BBOF1: variants seen among roughly 807,000 people sequenced by gnomAD.
BBOF1 encodes the protein basal body orientation factor 1.
BBOF1 carries 62 observed loss-of-function variants against 68.0 expected under a neutral mutation model. That is an observed-to-expected ratio of 0.91 (90% CI 0.74 to 1.13). The LOEUF is 1.13. Ranked by LOEUF, BBOF1 falls within the 50% of genes most tolerant of loss-of-function variation. The pLI, the probability that BBOF1 is intolerant of heterozygous loss-of-function variation, is 0.00. For synonymous variants in BBOF1, 208 were observed against 198.8 expected, an observed-to-expected ratio of 1.05 and a Z score of -0.39; for missense variants, 534 against 600.1, an observed-to-expected ratio of 0.89 and a Z score of 1.15.
intron 8 of BBOF1, 55 bp from the exon 9 acceptor site, chr14:74,055,529 A>T (rs2060175842): frequency 9.2e-7 from 1 of 1,086,696 alleles, no homozygotes; most frequent in South Asian, 1.3e-5. Context: ...AAAGAAGAGA[A>T]GCCTATTTGA....
downstream of BBOF1, among the ~76,000 whole-genome samples, chr14:74,069,553 CCT>C: frequency 6.6e-6 from 1 of 151,750 alleles, no homozygotes; most frequent in East Asian, 2.0e-4. Flanking sequence ...GAGTTCGAGA[CCT>C]TCCTAGCCAA....
intron 5 of BBOF1, among the ~76,000 whole-genome samples, chr14:74,045,256 G>A (rs1397672607): frequency 6.6e-6 from 1 of 152,118 alleles, no homozygotes; most frequent in Non-Finnish European, 1.5e-5. Flanking sequence ...GTTCACTACA[G>A]AATTTCAGTA....
At position 74,065,137 on chromosome 14, in the gene BBOF1, T is replaced by C; in HGVS notation, c.*438T>C. The C allele has an allele frequency of 8.1e-6, 13 of 1,596,468 alleles. No homozygotes were observed. Among genetic ancestry groups the C allele is most frequent in the Non-Finnish European group, 1.0e-5 (12 of 1,164,382 alleles). ...TTATTTACTGTTTCCTCTTAGGAAA[T>C]AGTAAATGGATATAAGAATCTCTTA... On this transcript the variant is annotated 3_prime_UTR_variant, in exon 12 of 12. Transcript: ENST00000394009.
At chr14:74,028,305 G>C (rs1566792225) in intron 2 of BBOF1, among the ~76,000 whole-genome samples, 2 of 152,056 alleles carry the variant, frequency 1.3e-5, no homozygotes, top group Non-Finnish European at 2.9e-5. Context: ...GGAGGCATAG[G>C]TTGCTGTGAG....
In BBOF1 at chr14:74,021,886, G is replaced by C. The variant is rs143006729; in HGVS notation, c.57-1030G>C. 8.0e-3 allele frequency among the ~76,000 whole-genome samples: 1,218 copies of C among 151,732 alleles called. 6 individuals carry two copies. The highest frequency in any genetic ancestry group is 0.014 in the Non-Finnish European group (954 of 67,916). Reference sequence around the variant, plus strand: ...CACGCCACTGCTCTTCAGCCTGGGTGAAAGAGTGAGACTCCGTCCCTCCCC... The same window carrying C: ...CACGCCACTGCTCTTCAGCCTGGGTCAAAGAGTGAGACTCCGTCCCTCCCC... On this transcript the variant is annotated intron_variant, in intron 1 of 11. Transcript: ENST00000394009.
At chr14:74,021,252 T>C (rs1259085699) in intron 1 of BBOF1, among the ~76,000 whole-genome samples, 1 of 152,140 alleles carries the variant, frequency 6.6e-6, no homozygotes, top group Non-Finnish European at 1.5e-5. Context: ...ATCCATCCTT[T>C]TTCCTCTCCA....
intron 9 of BBOF1, among the ~76,000 whole-genome samples, chr14:74,075,194 C>T (rs2060598829): frequency 6.6e-6 from 1 of 151,972 alleles, no homozygotes; most frequent in South Asian, 2.1e-4. Flanking sequence ...TATGAACAAA[C>T]AATAAACCAT....
intron 2 of BBOF1, among the ~76,000 whole-genome samples, chr14:74,023,874 C>CCATTA (rs1234154363): frequency 6.7e-6 from 1 of 149,474 alleles, no homozygotes; most frequent in African/African-American, 2.5e-5. Flanking sequence ...TGAGATCATA[C>CCATTA]CATTACACTC....
Position 74,023,080 on chromosome 14 carries a change from TG to T in BBOF1, c.223del (p.Glu75ArgfsTer4). ...NEDLKKKQCK[M>X]EKDIMSVLSY... ...GACTTAAAGAAAAAGCAATGTAAAATGGAGAAAGACATAATGTCAGTATTAA... is the reference window on the plus strand; with the variant it reads ...GACTTAAAGAAAAAGCAATGTAAAATGAGAAAGACATAATGTCAGTATTAA... On this transcript the variant is annotated frameshift_variant, in exon 2 of 12. Coordinates refer to ENST00000394009, the MANE Select transcript of BBOF1 (RefSeq NM_025057.3). LOFTEE classifies it high-confidence loss of function. 6.2e-7 allele frequency: 1 copy of T among 1,604,260 alleles called. No individual in the cohort carries two copies. The highest frequency in any genetic ancestry group is 8.5e-7 in the Non-Finnish European group (1 of 1,175,198).
exon 10 of BBOF1, chr14:74,078,322 C>T (rs190289549): frequency 1.0e-4 from 47 of 451,636 alleles, no homozygotes; most frequent in Admixed American, 6.8e-4. Flanking sequence ...GACAGTGGTG[C>T]ACGATCAATA....
intron 4 of BBOF1, among the ~76,000 whole-genome samples, chr14:74,036,973 C>CTTTTTTTTTTTTTTTTTTTTTTTTT (rs548819182): frequency 9.6e-6 from 1 of 104,404 alleles, no homozygotes; most frequent in Non-Finnish European, 1.9e-5. Context: ...TTTCTTTTTT[C>CTTTTTTTTTTTTTTTTTTTTTTTTT]TTTTTTTTTT....
At chr14:74,019,849 A>T (rs1423238138) in intron 1 of BBOF1, among the ~76,000 whole-genome samples, 1 of 152,240 alleles carries the variant, frequency 6.6e-6, no homozygotes, top group Non-Finnish European at 1.5e-5. Flanking sequence ...GATCAGAGCC[A>T]CTGAGGTGGG....
chr14:74,072,122 G>A (rs988839404), intron 9 of BBOF1: 9 of 1,601,042 alleles, frequency 5.6e-6, no homozygotes, highest in Non-Finnish European at 6.8e-6. Context: ...AGTAAGGGAG[G>A]GTGGCTGAAA....
intron 2 of BBOF1, among the ~76,000 whole-genome samples, chr14:74,027,752 AC>A (rs549893015): frequency 1.3e-5 from 2 of 151,926 alleles, no homozygotes; most frequent in South Asian, 4.2e-4. Context: ...AAAACATACA[AC>A]CTGAATCTAC....
At chr14:74,055,520 A>G (rs2060175669) in intron 8 of BBOF1, 64 bp from the exon 9 acceptor site, 3 of 1,042,654 alleles carry the variant, frequency 2.9e-6, no homozygotes, top group Non-Finnish European at 1.5e-6. Flanking sequence ...ATTTTTTAAA[A>G]AGAAGAGAAG....
At chr14:74,072,734 T>C in intron 9 of BBOF1, 1 of 1,108,278 alleles carries the variant, frequency 9.0e-7, no homozygotes, top group East Asian at 2.6e-5. Context: ...CGGAATCTTC[T>C]GGTCTTTAGA....
At chr14:74,023,907 G>C (rs2059361480) in intron 2 of BBOF1, among the ~76,000 whole-genome samples, 1 of 140,600 alleles carries the variant, frequency 7.1e-6, no homozygotes, top group African/African-American at 2.7e-5. Flanking sequence ...CTGGGCGACA[G>C]AGCGAGAGAC....
intron 9 of BBOF1, chr14:74,071,928 G>T: frequency 6.2e-7 from 1 of 1,614,206 alleles, no homozygotes; most frequent in African/African-American, 1.3e-5. Context: ...TTCAGCATCA[G>T]CTAGGGTCTT....
chr14:74,070,760 G>A (rs774695928), downstream of BBOF1: 35 of 186,228 alleles, frequency 1.9e-4, no homozygotes, highest in Non-Finnish European at 3.2e-4. Flanking sequence ...CTCAAAGGGT[G>A]ATTATAAAGA....
Sources: gnomAD v4.1 joint callset for allele counts (sites outside exome capture counted in the v4.1 genomes callset) on GRCh38, gnomAD v4.1.1 for gene constraint, MANE v1.5 for transcripts, NCBI Gene and HGNC (gene_info 2026-07-23, HGNC 2026-07-21) for gene names.